TBK1: variants seen among roughly 807,000 people sequenced by gnomAD.
TBK1 encodes the protein serine/threonine-protein kinase TBK1.
Under a neutral mutation model 99.9 loss-of-function variants are expected in TBK1, and 37 were observed. That is an observed-to-expected ratio of 0.37 (90% CI 0.28 to 0.49). The LOEUF (loss-of-function observed/expected upper bound fraction) is 0.49, where lower values mean the gene tolerates loss of function less well. Among genes scored for constraint, TBK1 ranks in the 20% least tolerant of loss-of-function variants. The pLI is 0.98. For missense variants in TBK1, 644 were observed against 872.5 expected, an observed-to-expected ratio of 0.74 and a Z score of 3.30; for synonymous variants, 258 against 279.8, an observed-to-expected ratio of 0.92 and a Z score of 0.78.
At chr12:64,488,650 A>G in intron 12 of TBK1, 62 bp downstream of exon 12, 1 of 1,170,518 alleles carries the variant, frequency 8.5e-7, no homozygotes, top group Non-Finnish European at 1.2e-6. Flanking sequence ...TTCTATTTAA[A>G]TGACTTAGTT....
chr12:64,464,428 C>G lies in TBK1; in HGVS notation c.323C>G (p.Pro108Arg). ...LEEPSNAYGL[P>R]ESEFLIVLRD... ...GAACCTTCTAATGCCTATGGACTAC[C>G]AGAATCTGAATTCTTAATTGTTTTG... Residue 108 changes from proline (P) to arginine (R), a missense_variant, in exon 4 of 21, where the codon CCA (proline) becomes CGA (arginine). Pro to Arg is a moderately radical substitution (Grantham distance 103). This residue lies in a region of TBK1 where 148 missense variants were observed against 202.1 expected (regional missense o/e 0.73). Coordinates refer to ENST00000331710, the MANE Select transcript of TBK1 (RefSeq NM_013254.4). 1 of 1,597,220 alleles carries G rather than the reference C, an allele frequency of 6.3e-7. No homozygotes were observed. The highest frequency in any genetic ancestry group is 2.2e-5 in the East Asian group (1 of 44,564).
chr12:64,454,137 C>A (rs1377503272), intron 1 of TBK1, among the ~76,000 whole-genome samples: 2 of 152,130 alleles, frequency 1.3e-5, no homozygotes, highest in Non-Finnish European at 2.9e-5. Context: ...TTTTAAAACA[C>A]CTTAAATTAT....
intron 13 of TBK1, among the ~76,000 whole-genome samples, chr12:64,492,870 C>G (rs926345173): frequency 6.6e-6 from 1 of 150,742 alleles, no homozygotes; most frequent in African/African-American, 2.4e-5. Context: ...TTCAGGCGCC[C>G]GCCACCACGT....
intron 11 of TBK1, among the ~76,000 whole-genome samples, chr12:64,488,129 T>TC (rs2040836290): frequency 6.6e-6 from 1 of 152,218 alleles, no homozygotes; most frequent in Non-Finnish European, 1.5e-5. Flanking sequence ...TGGTTTAAAG[T>TC]ATAAATCAGA....
At chr12:64,487,487 A>G (rs755192812) in intron 11 of TBK1, among the ~76,000 whole-genome samples, 1 of 152,116 alleles carries the variant, frequency 6.6e-6, no homozygotes. Flanking sequence ...CTGTGTTCAC[A>G]TATCTTAGTT....
intron 15 of TBK1, 49 bp from the exon 16 acceptor site, chr12:64,496,318 A>T (rs1454193356): frequency 1.1e-6 from 1 of 915,012 alleles, no homozygotes; most frequent in South Asian, 1.7e-5. Context: ...CATTGTGTAT[A>T]ATATTATGAT....
intron 1 of TBK1, among the ~76,000 whole-genome samples, chr12:64,453,386 G>T (rs527592334): frequency 6.6e-6 from 1 of 152,184 alleles, no homozygotes; most frequent in African/African-American, 2.4e-5. Flanking sequence ...TCGTTAGATA[G>T]TTGAGACGTT....
Position 64,474,331 on chromosome 12 carries a change from A to T in TBK1, c.642A>T (p.Ala214=), listed in dbSNP as rs1457358801. 6.2e-7 allele frequency: 1 copy of T among 1,614,120 alleles called. No individual in the cohort carries two copies. The change falls in exon 6 of 21, where the codon GCA becomes GCT. Residue 214 remains alanine, a synonymous_variant. Transcript: ENST00000331710. Reference sequence around the variant, plus strand: ...GCATTGGGGTAACATTTTACCATGCAGCTACTGGATCACTGCCATTTAGAC... The same window carrying T: ...GCATTGGGGTAACATTTTACCATGCTGCTACTGGATCACTGCCATTTAGAC... ...LWSIGVTFYH[A]ATGSLPFRPF... is the part of the protein sequence containing the mutation.
chr12:64,474,430 A>G (rs1218427783), intron 6 of TBK1, 40 bp downstream of exon 6: 6 of 1,571,430 alleles, frequency 3.8e-6, no homozygotes, highest in Non-Finnish European at 5.2e-6. Context: ...AAGCATTTAA[A>G]AAATGATTTC....
intron 7 of TBK1, among the ~76,000 whole-genome samples, chr12:64,481,084 A>G (rs1441563535): frequency 1.3e-5 from 2 of 152,218 alleles, no homozygotes; most frequent in African/African-American, 2.4e-5. Context: ...TCATGTAACT[A>G]GATTACTAAG....
Position 64,466,935 on chromosome 12 carries a change from A to G in TBK1, c.393A>G (p.Ile131Met), listed in dbSNP as rs746578934. Residue 131 changes from isoleucine to methionine, a missense_variant, in exon 5 of 21, where the codon ATA becomes ATG. Physicochemically the swap from Ile to Met is conservative, Grantham distance 10 (BLOSUM62 1). This residue lies in a region of TBK1 where 148 missense variants were observed against 202.1 expected (regional missense o/e 0.73). Coordinates refer to ENST00000331710, the MANE Select transcript of TBK1 (RefSeq NM_013254.4). ...TGAATCATCTACGAGAGAATGGTAT[A>G]GTGCACCGTGATATCAAGCCAGGAA... Reference protein sequence around the residue: ...GGMNHLRENGIVHRDIKPGNI... With the variant: ...GGMNHLRENGMVHRDIKPGNI... 3.1e-6 allele frequency: 5 copies of G among 1,610,296 alleles called. No individual in the cohort carries two copies. Among genetic ancestry groups the G allele is most frequent in the Non-Finnish European group, 3.4e-6 (4 of 1,178,282 alleles).
chr12:64,455,486 G>A (rs1036747503), intron 1 of TBK1, among the ~76,000 whole-genome samples: 9 of 152,074 alleles, frequency 5.9e-5, no homozygotes, highest in African/African-American at 9.7e-5. Flanking sequence ...AATTTTAGAC[G>A]AATGAAAACA....
intron 5 of TBK1, among the ~76,000 whole-genome samples, chr12:64,471,904 T>C (rs2040666091): frequency 6.6e-6 from 1 of 152,096 alleles, no homozygotes; most frequent in Non-Finnish European, 1.5e-5. Flanking sequence ...TATTGCACCG[T>C]GTGAGGAGGT....
chr12:64,458,086 AACACACACACAC>A (rs71092969), intron 2 of TBK1, among the ~76,000 whole-genome samples: 3 of 143,574 alleles, frequency 2.1e-5, no homozygotes, highest in African/African-American at 5.2e-5. Context: ...GTCTCTACTA[AACACACACACAC>A]ACACACACAC....
In TBK1 at chr12:64,497,045, G is replaced by A; in HGVS notation, c.1857G>A (p.Trp619Ter). ...YEAFLNKSEE[W>*]IRKMLHLRKQ... Reference sequence around the variant, plus strand: ...CATTTTTGAATAAGTCAGAAGAATGGATAAGGTGAGTAAACTTCTTTTGGA... The same window carrying A: ...CATTTTTGAATAAGTCAGAAGAATGAATAAGGTGAGTAAACTTCTTTTGGA... The change falls in exon 17 of 21, where the codon TGG becomes TGA. Residue 619 changes from tryptophan (W) to a stop codon, truncating the protein, a stop_gained. Transcript: ENST00000331710. LOFTEE classifies it high-confidence loss of function. The A allele has an allele frequency of 6.2e-7, 1 of 1,611,076 alleles. No individual in the cohort carries two copies. Among genetic ancestry groups the A allele is most frequent in the Non-Finnish European group, 8.5e-7 (1 of 1,177,932 alleles).
intron 6 of TBK1, among the ~76,000 whole-genome samples, chr12:64,474,645 A>G (rs1173205240): frequency 1.3e-5 from 2 of 152,170 alleles, no homozygotes; most frequent in African/African-American, 4.8e-5. Flanking sequence ...TTAAAAATGT[A>G]CTGCTTTCTA....
rs753595352 is a variant in TBK1, at chr12:64,484,460, C to T, written c.1150C>T (p.Arg384Trp). 26 of 1,613,354 alleles carry T rather than the reference C, an allele frequency of 1.6e-5. No homozygotes were observed. Among genetic ancestry groups the T allele is most frequent in the South Asian group, 3.3e-5 (3 of 90,972 alleles). ...GGAAAACCCTATATTTGTAGTAAGC[C>T]GGGAACCTCTGAATACCATAGGATT... ...TEENPIFVVSREPLNTIGLIY... is the reference protein window; with the variant it reads ...TEENPIFVVSWEPLNTIGLIY... Residue 384 changes from arginine (R) to tryptophan (W), a missense_variant, in exon 9 of 21, where the codon CGG becomes TGG. By Grantham distance (101) the Arg-to-Trp change is moderately radical. Around this residue, in one of 3 missense-constraint regions of TBK1, gnomAD observed 465 missense variants for 588.0 expected, o/e 0.79. Coordinates refer to ENST00000331710, the MANE Select transcript of TBK1 (RefSeq NM_013254.4).
At chr12:64,498,360 G>C (rs975629216) in intron 20 of TBK1, among the ~76,000 whole-genome samples, 4 of 152,178 alleles carry the variant, frequency 2.6e-5, no homozygotes, top group Non-Finnish European at 5.9e-5. Context: ...TAAGATACCA[G>C]CACTTTGGTG....
intron 2 of TBK1, among the ~76,000 whole-genome samples, chr12:64,459,357 A>G (rs544282589): frequency 3.9e-5 from 6 of 152,196 alleles, no homozygotes; most frequent in Non-Finnish European, 7.3e-5. Context: ...GGTTAATAAG[A>G]AGAACATATA....
Sources: gnomAD v4.1 joint callset for allele counts (sites outside exome capture counted in the v4.1 genomes callset) on GRCh38, gnomAD v4.1.1 for gene constraint, gnomAD v4.1.1 regional missense constraint, MANE v1.5 for transcripts, NCBI Gene and HGNC (gene_info 2026-07-23, HGNC 2026-07-21) for gene names.